The following CCDC178 variants were observed in gnomAD, a reference collection of about 807,000 sequenced individuals.
The protein encoded by CCDC178 is coiled-coil domain-containing protein 178.
Under a neutral mutation model 117.4 loss-of-function variants are expected in CCDC178, and 126 were observed. The observed-to-expected ratio is 1.07, with a 90% confidence interval of 0.93 to 1.24. CCDC178 has a LOEUF of 1.24. Ranked by LOEUF, CCDC178 falls within the 50% of genes most tolerant of loss-of-function variation. The pLI is 0.00. For missense variants in CCDC178, 1,030 were observed against 986.9 expected (o/e 1.04, Z -0.59); for synonymous variants, 283 against 313.4 (o/e 0.90, Z 1.02).
At chr18:33,428,730 C>CAAAAAA (rs35234261) in intron 2 of CCDC178, among the ~76,000 whole-genome samples, 3 of 42,350 alleles carry the variant, frequency 7.1e-5, no homozygotes, top group African/African-American at 2.7e-4. Flanking sequence ...GACTCTGTCT[C>CAAAAAA]AAAAAAAAAA....
At chr18:33,010,323 T>A (rs1025088312) in intron 21 of CCDC178, among the ~76,000 whole-genome samples, 5 of 152,156 alleles carry the variant, frequency 3.3e-5, no homozygotes, top group African/African-American at 1.2e-4. Flanking sequence ...AGTATTCCCC[T>A]CAGATTCCCT....
chr18:33,116,755 C>G (rs1263463055), intron 20 of CCDC178, among the ~76,000 whole-genome samples: 2 of 152,110 alleles, frequency 1.3e-5, no homozygotes. Flanking sequence ...CAAAGCCCCT[C>G]TCACACTGAA....
intron 21 of CCDC178, among the ~76,000 whole-genome samples, chr18:33,051,490 T>TA (rs553683232): frequency 3.3e-5 from 5 of 152,242 alleles, no homozygotes; most frequent in Non-Finnish European, 7.3e-5. Flanking sequence ...GACTTGAATT[T>TA]ATGTGATGCT....
chr18:33,105,549 T>A (rs550310195), intron 20 of CCDC178, among the ~76,000 whole-genome samples: 2 of 151,808 alleles, frequency 1.3e-5, no homozygotes, highest in East Asian at 3.9e-4. Flanking sequence ...TGTTCTTAAA[T>A]GAGAGGACTT....
In CCDC178 at chr18:33,437,043, G is replaced by T. The variant is rs928041462; in HGVS notation, c.-23+2919C>A. On this transcript the variant is annotated intron_variant, in intron 2 of 22. Coordinates refer to ENST00000383096, the MANE Select transcript of CCDC178 (RefSeq NM_001105528.4). The stretch of plus-strand genomic sequence containing the variant: ...TAAAGTTGTTCTGGGAGTACAAACC[G>T]AGCAAATGGAGTTTCTTAAGCAATG... Among the ~76,000 whole-genome samples, 5 of 152,104 alleles carry T rather than the reference G, an allele frequency of 3.3e-5. No homozygotes were observed. The East Asian group carries it at 9.6e-4, about 29-fold the overall frequency.
intron 12 of CCDC178, among the ~76,000 whole-genome samples, chr18:33,279,575 C>T (rs977358791): frequency 2.0e-5 from 3 of 152,196 alleles, no homozygotes; most frequent in Non-Finnish European, 4.4e-5. Flanking sequence ...CTACCAATGA[C>T]TTTCTTCACA....
intron 18 of CCDC178, among the ~76,000 whole-genome samples, chr18:33,216,811 T>C (rs1271947023): frequency 6.6e-6 from 1 of 152,002 alleles, no homozygotes; most frequent in African/African-American, 2.4e-5. Flanking sequence ...TACTAGAATG[T>C]AGTGGAAATA....
intron 10 of CCDC178, among the ~76,000 whole-genome samples, chr18:33,324,193 C>A (rs1256193494): frequency 3.9e-5 from 6 of 151,906 alleles, no homozygotes; most frequent in Non-Finnish European, 8.9e-5. Context: ...CCTTCTGTCT[C>A]TCTCTCTGTA....
At chr18:33,163,656 C>T in intron 20 of CCDC178, among the ~76,000 whole-genome samples, 1 of 152,140 alleles carries the variant, frequency 6.6e-6, no homozygotes, top group East Asian at 1.9e-4. Flanking sequence ...ATTGCTATAG[C>T]TATTCTATAA....
chr18:32,962,951 T>C (rs2054736960), intron 22 of CCDC178, among the ~76,000 whole-genome samples: 1 of 152,216 alleles, frequency 6.6e-6, no homozygotes, highest in Admixed American at 6.6e-5. Context: ...AAATATTTAG[T>C]ACATTTCTGA....
At chr18:33,009,286 T>C (rs979523712) in intron 21 of CCDC178, among the ~76,000 whole-genome samples, 25 of 152,112 alleles carry the variant, frequency 1.6e-4, no homozygotes, top group African/African-American at 6.0e-4. Flanking sequence ...TAAACCATAA[T>C]TTGGATTTTG....
intron 21 of CCDC178, chr18:32,983,337 G>C: frequency 6.5e-7 from 1 of 1,527,866 alleles, no homozygotes; most frequent in Admixed American, 2.0e-5. Flanking sequence ...AGTTTCTTAG[G>C]TAAGAAGCCT....
chr18:33,251,995 G>T (rs1018002800), intron 14 of CCDC178, among the ~76,000 whole-genome samples: 5 of 151,740 alleles, frequency 3.3e-5, no homozygotes, highest in Non-Finnish European at 5.9e-5. Flanking sequence ...GGGAAAGAAG[G>T]ACAATAAGGT....
In CCDC178 at chr18:33,020,106, C is replaced by T. The variant is rs957185479; in HGVS notation, c.2389-45425G>A. ...GATTATAGGTGCCTGCCACCACAACCGGATAATTGGTTTTTTTTTTTTTTT... is the reference window on the plus strand; with the variant it reads ...GATTATAGGTGCCTGCCACCACAACTGGATAATTGGTTTTTTTTTTTTTTT... On this transcript the variant is annotated intron_variant, in intron 21 of 22. Transcript: ENST00000383096. Among the ~76,000 whole-genome samples, 8 of 147,984 alleles carry T rather than the reference C, an allele frequency of 5.4e-5. No homozygotes were observed. The East Asian group carries it at 1.6e-3, about 29-fold the overall frequency.
In CCDC178 at chr18:33,317,519, C is replaced by T. The variant is rs114183188; in HGVS notation, c.1022+5972G>A. Among the ~76,000 whole-genome samples the T allele has an allele frequency of 6.1e-3, 936 of 152,292 alleles. 9 individuals carry two copies. Among genetic ancestry groups the T allele is most frequent in the African/African-American group, 0.02 (841 of 41,566 alleles). On this transcript the variant is annotated intron_variant, in intron 11 of 22. Coordinates refer to ENST00000383096, the MANE Select transcript of CCDC178 (RefSeq NM_001105528.4). ...ACCAATTCTGGACACATTTTCACCA[C>T]TTTACCTCTCTTAATAAACTTGCTT...
chr18:33,087,436 C>T (rs2057395461), intron 21 of CCDC178, among the ~76,000 whole-genome samples: 1 of 152,154 alleles, frequency 6.6e-6, no homozygotes, highest in Non-Finnish European at 1.5e-5. Flanking sequence ...GAGGAAAACT[C>T]TTCAGAGAAA....
At chr18:33,327,542 T>C (rs2062601613) in intron 10 of CCDC178, among the ~76,000 whole-genome samples, 2 of 152,224 alleles carry the variant, frequency 1.3e-5, no homozygotes, top group Admixed American at 6.5e-5. Context: ...ATGTTTTCCA[T>C]AGCGGCTGCA....
At chr18:33,232,628 C>T (rs2059380622) in intron 15 of CCDC178, among the ~76,000 whole-genome samples, 3 of 152,078 alleles carry the variant, frequency 2.0e-5, no homozygotes, top group African/African-American at 7.2e-5. Context: ...TAGGTGGCAG[C>T]CCAACCTGAT....
chr18:33,013,411 AAGTAAAATAAAAGTTCATC>A (rs1257156030), intron 21 of CCDC178, among the ~76,000 whole-genome samples: 14 of 152,188 alleles, frequency 9.2e-5, no homozygotes, highest in Non-Finnish European at 1.6e-4. Context: ...AAGAAAATAA[AAGTAAAATAAAAGTTCATC>A]AGTATTTACT....
Sources: allele counts gnomAD v4.1 joint callset (sites outside exome capture counted in the v4.1 genomes callset), GRCh38; gene constraint gnomAD v4.1.1; transcripts MANE v1.5; gene names NCBI Gene and HGNC (gene_info 2026-07-23, HGNC 2026-07-21).